Variants in ITPR1 observed in about 807,000 individuals in gnomAD.
ITPR1 encodes inositol 1,4,5-trisphosphate-gated calcium channel ITPR1.
Under a neutral mutation model 318.4 loss-of-function variants are expected in ITPR1, and 96 were observed. That is an observed-to-expected ratio of 0.30 (90% CI 0.26 to 0.36). ITPR1 has a LOEUF of 0.36. Ranked by LOEUF, ITPR1 falls within the 10% of genes least tolerant of loss-of-function variation. The pLI is 1.00. For synonymous variants in ITPR1, 1,312 were observed against 1,289.9 expected, an observed-to-expected ratio of 1.02 and a Z score of -0.37; for missense variants, 2,440 against 3,460.2, an observed-to-expected ratio of 0.71 and a Z score of 7.40.
intron 37 of ITPR1, among the ~76,000 whole-genome samples, chr3:4,707,680 T>C (rs1413244895): frequency 1.3e-5 from 2 of 152,204 alleles, no homozygotes; most frequent in African/African-American, 4.8e-5. Context: ...TATTGTGGTA[T>C]AGCCATCTTA....
At chr3:4,757,156 T>G (rs2015714) in intron 44 of ITPR1, among the ~76,000 whole-genome samples, 63,337 of 152,004 alleles carry the variant, frequency 0.42, 13,466 homozygotes, top group Middle Eastern at 0.57. Flanking sequence ...CTCCAGGCAC[T>G]CTCTGCCTAC....
At chr3:4,807,738 C>T (rs1400980048) in intron 55 of ITPR1, among the ~76,000 whole-genome samples, 1 of 152,190 alleles carries the variant, frequency 6.6e-6, no homozygotes, top group Non-Finnish European at 1.5e-5. Flanking sequence ...GCAAAGAGGT[C>T]TCAGGATATC....
At position 4,790,756 on chromosome 3, in the gene ITPR1, C is replaced by T. The variant is rs184234347; in HGVS notation, c.6808+2617C>T. ...TAGGACTCAGACACGTAGTGAGATC[C>T]GTCTGAGACTGATGGGGCTTAGTAT... On this transcript the variant is annotated intron_variant, in intron 52 of 61. Transcript: ENST00000649015. 4.6e-5 allele frequency among the ~76,000 whole-genome samples: 7 copies of T among 152,306 alleles called. 1 individual carries two copies. In the East Asian group the frequency reaches 1.2e-3, roughly 25 times the overall value.
intron 2 of ITPR1, among the ~76,000 whole-genome samples, chr3:4,515,083 G>T (rs959187821): frequency 2.0e-5 from 3 of 152,136 alleles, no homozygotes; most frequent in African/African-American, 7.2e-5. Flanking sequence ...TTAATGAAAT[G>T]CTCTTTATCT....
intron 61 of ITPR1, among the ~76,000 whole-genome samples, chr3:4,843,184 A>T (rs755012765): frequency 6.6e-6 from 1 of 151,864 alleles, no homozygotes; most frequent in Non-Finnish European, 1.5e-5. Flanking sequence ...AGTCACTTAA[A>T]TGGCAGTGAT....
chr3:4,823,615 A>C (rs1360070898), intron 60 of ITPR1, among the ~76,000 whole-genome samples: 1 of 152,186 alleles, frequency 6.6e-6, no homozygotes, highest in Non-Finnish European at 1.5e-5. Context: ...ACAAAAAACA[A>C]AATTGATCAC....
intron 10 of ITPR1, among the ~76,000 whole-genome samples, chr3:4,648,518 A>G (rs535591733): frequency 2.0e-5 from 3 of 152,266 alleles, no homozygotes; most frequent in Admixed American, 6.5e-5. Context: ...CCTTTTAGAA[A>G]AATTGTTTTG....
chr3:4,773,313 G>A (rs962856134), intron 46 of ITPR1, among the ~76,000 whole-genome samples: 2 of 152,214 alleles, frequency 1.3e-5, no homozygotes, highest in African/African-American at 2.4e-5. Flanking sequence ...AGAATGAGGA[G>A]TGCTTGAAGT....
chr3:4,733,276 C>G (rs779113322), intron 43 of ITPR1, 56 bp downstream of exon 43: 180 of 1,584,902 alleles, frequency 1.1e-4, no homozygotes, highest in Non-Finnish European at 1.5e-4. Context: ...TCTGTGATAG[C>G]TGCATGTTTC....
At chr3:4,701,772 C>A (rs1480999710) in intron 35 of ITPR1, among the ~76,000 whole-genome samples, 1 of 152,174 alleles carries the variant, frequency 6.6e-6, no homozygotes, top group African/African-American at 2.4e-5. Context: ...TGAATGAGAT[C>A]ATATGTGAAA....
At chr3:4,545,192 A>T (rs1460725391) in intron 4 of ITPR1, among the ~76,000 whole-genome samples, 1 of 152,246 alleles carries the variant, frequency 6.6e-6, no homozygotes, top group African/African-American at 2.4e-5. Context: ...ACCCAAAATG[A>T]ATCAGTTGAT....
intron 4 of ITPR1, among the ~76,000 whole-genome samples, chr3:4,529,996 C>T (rs1317603712): frequency 1.3e-5 from 2 of 152,258 alleles, no homozygotes; most frequent in African/African-American, 4.8e-5. Flanking sequence ...ATAAATCCTC[C>T]TCTTAACAGC....
chr3:4,535,054 T>C (rs2083736108), intron 4 of ITPR1, among the ~76,000 whole-genome samples: 2 of 151,252 alleles, frequency 1.3e-5, no homozygotes, highest in African/African-American at 4.9e-5. Flanking sequence ...TGTTCTCTAG[T>C]ACATAAACCA....
At chr3:4,819,820 A>G (rs2049564332) in intron 60 of ITPR1, among the ~76,000 whole-genome samples, 1 of 152,224 alleles carries the variant, frequency 6.6e-6, no homozygotes, top group South Asian at 2.1e-4. Flanking sequence ...AGAAAAAAAA[A>G]TCAGCACAGA....
At chr3:4,789,349 C>A (rs1397189616) in intron 52 of ITPR1, among the ~76,000 whole-genome samples, 1 of 152,152 alleles carries the variant, frequency 6.6e-6, no homozygotes, top group East Asian at 1.9e-4. Flanking sequence ...TCCTCATAGC[C>A]TACTGTAGAT....
chr3:4,824,917 G>A lies in ITPR1; in HGVS notation c.8028+6675G>A, dbSNP rs566092536. ...TGTTAATTTTGACCTGCTGAAATAT[G>A]AGAAACTTCACTACCCTCACCTTAG... On this transcript the variant is annotated intron_variant, in intron 60 of 61. Coordinates refer to ENST00000649015, the MANE Select transcript of ITPR1 (RefSeq NM_001378452.1). 2.0e-5 allele frequency among the ~76,000 whole-genome samples: 3 copies of A among 152,298 alleles called. No individual in the cohort carries two copies. In the East Asian group the frequency reaches 5.8e-4, roughly 29 times the overall value.
Position 4,699,897 on chromosome 3 carries a change from A to G in ITPR1, c.4492A>G (p.Thr1498Ala), listed in dbSNP as rs1270567373. The G allele has an allele frequency of 3.7e-6, 6 of 1,613,736 alleles. No homozygotes were observed. The highest frequency in any genetic ancestry group is 5.1e-6 in the Non-Finnish European group (6 of 1,179,676). ...CGAAATCGTCATGAGTATTGTTACT[A>G]CTTTCTTCAGCTCTCCCTTCTCAGA... ...VTEIVMSIVTTFFSSPFSDQS... is the reference protein window; with the variant it reads ...VTEIVMSIVTAFFSSPFSDQS... Residue 1498 changes from threonine to alanine, a missense_variant, in exon 35 of 62, where the codon ACT becomes GCT. Physicochemically the swap from Thr to Ala is moderately conservative, Grantham distance 58 (BLOSUM62 0). Around this residue, in one of 23 missense-constraint regions of ITPR1, gnomAD observed 73 missense variants for 59.5 expected, o/e 1.23. Transcript: ENST00000649015.
intron 60 of ITPR1, among the ~76,000 whole-genome samples, chr3:4,818,472 A>C (rs565572608): frequency 7.2e-5 from 11 of 152,216 alleles, no homozygotes; most frequent in African/African-American, 2.6e-4. Flanking sequence ...GGAAATGTTG[A>C]GCCTCGGTGA....
At chr3:4,661,982 T>C (rs2093844633) in intron 14 of ITPR1, 100 bp from the exon 15 acceptor site, 4 of 987,464 alleles carry the variant, frequency 4.1e-6, no homozygotes, top group East Asian at 2.5e-5. Flanking sequence ...ATAGCTCTAG[T>C]ATCTTGGGAT....
Sources: allele counts gnomAD v4.1 joint callset (sites outside exome capture counted in the v4.1 genomes callset), GRCh38; gene constraint gnomAD v4.1.1; regional missense constraint gnomAD v4.1.1; transcripts MANE v1.5; gene names NCBI Gene and HGNC (gene_info 2026-07-23, HGNC 2026-07-21).